The following MYL4 variants were observed in gnomAD, a reference collection of about 807,000 sequenced individuals.
MYL4 encodes the protein atrial myosin light chain 1.
In MYL4, 16 loss-of-function variants were observed where a neutral mutation model predicts 21.6. The ratio of observed to expected loss-of-function variants is 0.74; its 90% CI spans 0.50 to 1.12. The LOEUF (loss-of-function observed/expected upper bound fraction) is 1.12. Ranked by LOEUF, MYL4 falls within the 50% of genes most tolerant of loss-of-function variation. MYL4 has a pLI of 0.00. For missense variants in MYL4, 249 were observed against 252.9 expected (o/e 0.98, Z 0.11); for synonymous variants, 82 against 95.7 (o/e 0.86, Z 0.83).
upstream of MYL4, among the ~76,000 whole-genome samples, chr17:47,206,703 T>C (rs965478757): frequency 7.9e-5 from 12 of 152,154 alleles, no homozygotes; most frequent in Admixed American, 3.3e-4. Flanking sequence ...AGGATTCTGT[T>C]GAACATGGTT....
At chr17:47,196,187 G>A (rs1156840481), upstream of MYL4, among the ~76,000 whole-genome samples, 3 of 152,152 alleles carry the variant, frequency 2.0e-5, no homozygotes, top group Non-Finnish European at 4.4e-5. Flanking sequence ...GACAGAATTA[G>A]TGTCCTTATA....
intron 3 of MYL4, among the ~76,000 whole-genome samples, chr17:47,220,967 G>A (rs571428258): frequency 6.6e-6 from 1 of 152,116 alleles, no homozygotes; most frequent in South Asian, 2.1e-4. Flanking sequence ...GAAGGTAACC[G>A]CGGGGGTGAA....
the MYL4 span, chr17:47,189,504 A>T: frequency 2.4e-6 from 1 of 420,664 alleles, no homozygotes; most frequent in South Asian, 2.5e-5. Flanking sequence ...GCCTTCAGCC[A>T]CGCACACCAC....
At chr17:47,203,540 T>C (rs1567742564) in intron 1 of MYL4, among the ~76,000 whole-genome samples, 1 of 152,210 alleles carries the variant, frequency 6.6e-6, no homozygotes, top group African/African-American at 2.4e-5. Flanking sequence ...ATAGTTGATA[T>C]TCTGTTTGTT....
At chr17:47,219,493 G>A (rs147150219) in intron 2 of MYL4, among the ~76,000 whole-genome samples, 1 of 152,238 alleles carries the variant, frequency 6.6e-6, no homozygotes, top group East Asian at 1.9e-4. Flanking sequence ...GAGGGGTGGA[G>A]GCCAGGGAGA....
rs1469104841 is a variant in MYL4, at chr17:47,221,823, G to A, written c.455G>A (p.Gly152Asp). 1.7e-5 allele frequency: 28 copies of A among 1,613,936 alleles called. No homozygotes were observed. The Admixed American group carries it at 4.7e-4, about 27-fold the overall frequency. Residue 152 changes from glycine to aspartate, a missense_variant, in exon 4 of 7, where the codon GGT becomes GAT. Physicochemically the swap from Gly to Asp is moderately conservative, Grantham distance 94 (BLOSUM62 -1). Coordinates refer to ENST00000393450, the MANE Select transcript of MYL4 (RefSeq NM_002476.2). ...AAGGAGAGCAATGGCACGGTCATGG[G>A]TGCTGAGCTTCGGCACGTCCTTGCC... The part of the protein sequence containing the change: ...FDKESNGTVM[G>D]AELRHVLATL...
intron 1 of MYL4, among the ~76,000 whole-genome samples, chr17:47,203,972 A>AAAC (rs2064718361): frequency 6.6e-6 from 1 of 152,240 alleles, no homozygotes; most frequent in Non-Finnish European, 1.5e-5. Context: ...TCTGTGGCCA[A>AAAC]AACACTTCTT....
intron 1 of MYL4, among the ~76,000 whole-genome samples, chr17:47,203,580 T>A (rs1444854938): frequency 1.3e-5 from 2 of 152,212 alleles, no homozygotes; most frequent in Non-Finnish European, 2.9e-5. Context: ...GGTGTCATAT[T>A]AGTAATATTT....
chr17:47,209,243 C>T (rs1259861797), upstream of MYL4: 9 of 773,366 alleles, frequency 1.2e-5, no homozygotes, highest in South Asian at 3.3e-5. Flanking sequence ...ACCCTGCTGG[C>T]GTTTCTTCCT....
At chr17:47,193,372 A>C in the MYL4 span, among the ~76,000 whole-genome samples, 5 of 151,950 alleles carry the variant, frequency 3.3e-5, no homozygotes, top group Non-Finnish European at 7.4e-5. Flanking sequence ...GGTTCAAGCG[A>C]TTCTCCTGCC....
intron 1 of MYL4, among the ~76,000 whole-genome samples, chr17:47,210,358 G>T (rs2064765006): frequency 6.6e-6 from 1 of 152,188 alleles, no homozygotes; most frequent in South Asian, 2.1e-4. Context: ...CTCTGGCCCA[G>T]CTGCTGAAGG....
intron 1 of MYL4, 87 bp downstream of exon 1, chr17:47,209,644 G>A: frequency 6.2e-7 from 1 of 1,604,046 alleles, no homozygotes; most frequent in Non-Finnish European, 8.5e-7. Flanking sequence ...CTTTATGTGG[G>A]CTGGACTGGG....
At chr17:47,202,364 A>C (rs1384998297) in intron 1 of MYL4, among the ~76,000 whole-genome samples, 2 of 152,242 alleles carry the variant, frequency 1.3e-5, no homozygotes, top group Non-Finnish European at 2.9e-5. Context: ...GTAAATTTTC[A>C]TTATAAACAC....
upstream of MYL4, among the ~76,000 whole-genome samples, chr17:47,195,492 G>A (rs186275093): frequency 1.5e-3 from 226 of 152,110 alleles, no homozygotes; most frequent in African/African-American, 5.1e-3. Context: ...GCCTCCCAAA[G>A]TGTTGGAATT....
At chr17:47,220,999 A>G (rs572435095) in intron 3 of MYL4, among the ~76,000 whole-genome samples, 4 of 152,314 alleles carry the variant, frequency 2.6e-5, no homozygotes, top group Admixed American at 1.3e-4. Context: ...GGAAAGGACC[A>G]GAGGGCTAGG....
chr17:47,216,094 G>C (rs2064811416), intron 2 of MYL4, among the ~76,000 whole-genome samples: 1 of 149,042 alleles, frequency 6.7e-6, no homozygotes. Context: ...AATTTCTTTT[G>C]TGCTTTTTTT....
upstream of MYL4, among the ~76,000 whole-genome samples, chr17:47,207,672 G>T (rs1012638450): frequency 6.6e-6 from 1 of 152,170 alleles, no homozygotes; most frequent in Non-Finnish European, 1.5e-5. Flanking sequence ...CCTCTGAACT[G>T]TAGAGTCTAA....
At position 47,216,886 on chromosome 17, in the gene MYL4, G is replaced by C. The variant is rs575891674; in HGVS notation, c.164-3018G>C. On this transcript the variant is annotated intron_variant, in intron 2 of 6. Transcript: ENST00000393450. The stretch of plus-strand genomic sequence containing the variant: ...ATTTTGTATTTTTTATATAGATGGG[G>C]TTTCTCCATGTTGGTCAGGCTGGTC... Among the ~76,000 whole-genome samples, 253 of 152,106 alleles carry C rather than the reference G, an allele frequency of 1.7e-3. 1 individual carries two copies. Among genetic ancestry groups the C allele is most frequent in the African/African-American group, 6.0e-3 (248 of 41,542 alleles).
upstream of MYL4, among the ~76,000 whole-genome samples, chr17:47,206,245 C>T (rs746818619): frequency 9.9e-5 from 15 of 152,070 alleles, no homozygotes; most frequent in Non-Finnish European, 1.8e-4. Flanking sequence ...CCCCATTCGG[C>T]TTTCCCAGCT....
Sources: gnomAD v4.1 joint callset for allele counts (sites outside exome capture counted in the v4.1 genomes callset) on GRCh38, gnomAD v4.1.1 for gene constraint, MANE v1.5 for transcripts, NCBI Gene and HGNC (gene_info 2026-07-23, HGNC 2026-07-21) for gene names.